The following PLXNA3 variants were observed in gnomAD, a reference collection of about 807,000 sequenced individuals.
PLXNA3 encodes plexin A3.
Under a neutral mutation model 118.8 loss-of-function variants are expected in PLXNA3, and 52 were observed. The observed-to-expected ratio is 0.44, with a 90% confidence interval of 0.35 to 0.55. The LOEUF (loss-of-function observed/expected upper bound fraction) is 0.55, where lower values mean the gene tolerates loss of function less well. PLXNA3 is among the 20% of genes least tolerant of loss of function. PLXNA3 has a pLI of 0.01. For missense variants in PLXNA3, 1,660 were observed against 1,730.8 expected, an observed-to-expected ratio of 0.96 and a Z score of 0.73; for synonymous variants, 925 against 762.4, an observed-to-expected ratio of 1.21 and a Z score of -3.51.
chrX:154,462,053 G>A (rs1465395176), intron 3 of PLXNA3, 75 bp from the exon 4 acceptor site: 1 of 881,708 alleles, frequency 1.1e-6, no homozygotes, highest in Non-Finnish European at 1.6e-6. Context: ...CTCTCTTCTG[G>A]GACACAGGAA....
intron 4 of PLXNA3, among the ~76,000 whole-genome samples, chrX:154,462,545 A>T (rs782530961): frequency 2.7e-5 from 3 of 112,188 alleles, no homozygotes; most frequent in African/African-American, 9.7e-5. Flanking sequence ...CCAGCTTCGT[A>T]TGGCTCTGGG....
At chrX:154,469,293 C>A in intron 26 of PLXNA3, 78 bp downstream of exon 26, 1 of 1,149,542 alleles carries the variant, frequency 8.7e-7, no homozygotes, top group Non-Finnish European at 1.2e-6. Context: ...TCTCCCGCTC[C>A]CCACCTGAAC....
At position 154,463,936 on chromosome X, in the gene PLXNA3, C is replaced by G; in HGVS notation, c.1548-15C>G. On this transcript the variant is annotated splice_polypyrimidine_tract_variant and intron_variant, in intron 6 of 32. Transcript: ENST00000369682. ...GGGGCAGTGGCGGGACCGGCTCTGG[C>G]CCGACCCCGTGCAGGTGCTGCCGCG... is the stretch of plus-strand genomic sequence containing the variant. 8.6e-7 allele frequency: 1 copy of G among 1,158,616 alleles called. No individual in the cohort carries two copies. The highest frequency in any genetic ancestry group is 1.1e-6 in the Non-Finnish European group (1 of 870,192).
chrX:154,466,685 C>T lies in PLXNA3; in HGVS notation c.2999C>T (p.Pro1000Leu), dbSNP rs782195255. 56 of 1,200,257 alleles carry T rather than the reference C, an allele frequency of 4.7e-5. No individual in the cohort carries two copies. The South Asian group carries it at 9.2e-4, about 20-fold the overall frequency. Residue 1000 changes from proline (P) to leucine (L), a missense_variant, in exon 17 of 33, where the codon CCC becomes CTC. This residue lies in a region of PLXNA3 where 869 missense variants were observed against 1,078.7 expected (regional missense o/e 0.81). Transcript: ENST00000369682. ...PLSTLGPSQAPITLAIDRANI... is the reference protein window; with the variant it reads ...PLSTLGPSQALITLAIDRANI... ...TCCACCCTGGGCCCCAGCCAGGCCC[C>T]CATCACACTTGCCATTGACCGGGCT...
At position 154,462,459 on chromosome X, in the gene PLXNA3, C is replaced by T. The variant is rs893819733; in HGVS notation, c.1317+149C>T. On this transcript the variant is annotated intron_variant, in intron 4 of 32. Coordinates refer to ENST00000369682, the MANE Select transcript of PLXNA3 (RefSeq NM_017514.5). The stretch of plus-strand genomic sequence containing the variant: ...GAGATTTCCCTGGCTGGGTCCCAGG[C>T]GCCTGGCCCTGCTCCTCGGGTCGCC... 3.4e-5 allele frequency: 15 copies of T among 439,484 alleles called. No individual in the cohort carries two copies. In the Admixed American group the frequency reaches 6.2e-4, roughly 18 times the overall value. The allele number at this position is 439,484 out of a possible 1,213,427, so 36.2% of individuals were successfully genotyped here. A position where few individuals can be genotyped will look rare whatever the true frequency, so the allele number is the denominator to read the frequency against.
Position 154,465,576 on chromosome X carries a change from G to A in PLXNA3, c.2341+56G>A, listed in dbSNP as rs188888649. ...TAAGGCAATTGGCACTGCTGGGGTCGGGTCTGGGGGCCCTAGTGCTCCCCA... is the reference window on the plus strand; with the variant it reads ...TAAGGCAATTGGCACTGCTGGGGTCAGGTCTGGGGGCCCTAGTGCTCCCCA... On this transcript the variant is annotated intron_variant, in intron 12 of 32. Coordinates refer to ENST00000369682, the MANE Select transcript of PLXNA3 (RefSeq NM_017514.5). The A allele has an allele frequency of 5.4e-5, 62 of 1,144,618 alleles. No homozygotes were observed. In the South Asian group the frequency reaches 7.6e-4, roughly 14 times the overall value. 94.3% of individuals were successfully genotyped at this position (1,144,618 alleles called of 1,213,427 possible). A position where few individuals can be genotyped will look rare whatever the true frequency, so the allele number is the denominator to read the frequency against.
rs782215325 is a variant in PLXNA3, at chrX:154,460,253, C to T, written c.70C>T (p.Arg24Cys). 4.1e-5 allele frequency: 50 copies of T among 1,208,015 alleles called. No homozygotes were observed. Among genetic ancestry groups the T allele is most frequent in the East Asian group, 8.9e-5 (3 of 33,780 alleles). Residue 24 changes from arginine (R) to cysteine (C), a missense_variant, in exon 2 of 33, where the codon CGT (arginine) becomes TGT (cysteine). By Grantham distance (180) the Arg-to-Cys change is radical. Transcript: ENST00000369682. ...GGGGGCCCTGGGCAACAGGCCCTTC[C>T]GTGCCTTCGTGGTGACAGACACCAC... ...VGGALGNRPF[R>C]AFVVTDTTLT...
chrX:154,461,763 C>G lies in PLXNA3; in HGVS notation c.1134+125C>G. 4.4e-6 allele frequency: 3 copies of G among 678,877 alleles called. No individual in the cohort carries two copies. In the South Asian group the frequency reaches 8.2e-5, roughly 19 times the overall value. 55.9% of individuals were successfully genotyped at this position (678,877 alleles called of 1,213,427 possible). A position where few individuals can be genotyped will look rare whatever the true frequency, so the allele number is the denominator to read the frequency against. On this transcript the variant is annotated intron_variant, in intron 3 of 32. Coordinates refer to ENST00000369682, the MANE Select transcript of PLXNA3 (RefSeq NM_017514.5). Reference sequence around the variant, plus strand: ...TGGCCCTGGGAGTGGCACCTTTGCCCTCCCACCTGTTTCTCCCTCCCAGGG... The same window carrying G: ...TGGCCCTGGGAGTGGCACCTTTGCCGTCCCACCTGTTTCTCCCTCCCAGGG...
chrX:154,466,504 G>T lies in PLXNA3; in HGVS notation c.2928G>T (p.Gln976His). 1 of 1,205,295 alleles carries T rather than the reference G, an allele frequency of 8.3e-7. No homozygotes were observed. Among genetic ancestry groups the T allele is most frequent in the Non-Finnish European group, 1.1e-6 (1 of 892,409 alleles). Residue 976 changes from glutamine to histidine, a missense_variant, in exon 16 of 33, where the codon CAG becomes CAT. Physicochemically the swap from Gln to His is conservative, Grantham distance 24. Transcript: ENST00000369682. The stretch of plus-strand genomic sequence containing the variant: ...TGACTGTGAGGGACAGCGAGTGCCA[G>T]TTTGTAAGGTGGGCCGGGGCCCTGC... ...VTVTVRDSEC[Q>H]FVRRDAKAIV...
rs782060714 is a variant in PLXNA3 at position 154,461,196 on chromosome X, T to G, written c.692T>G (p.Val231Gly). The G allele has an allele frequency of 1.9e-5, 23 of 1,211,411 alleles. No individual in the cohort carries two copies. The highest frequency in any genetic ancestry group is 2.6e-5 in the Non-Finnish European group (23 of 895,142). Residue 231 changes from valine (V) to glycine (G), a missense_variant, in exon 3 of 33, where the codon GTC becomes GGC. Coordinates refer to ENST00000369682, the MANE Select transcript of PLXNA3 (RefSeq NM_017514.5). ...GACATCTACTACATCTACGGCTTCGTCAGCGCCTCCTTCGTGTACTTCCTG... is the reference window on the plus strand; with the variant it reads ...GACATCTACTACATCTACGGCTTCGGCAGCGCCTCCTTCGTGTACTTCCTG... The part of the protein sequence containing the change: ...AFDIYYIYGF[V>G]SASFVYFLTL...
intron 5 of PLXNA3, 25 bp from the exon 6 acceptor site, chrX:154,463,565 T>C (rs1557205614): frequency 3.9e-6 from 4 of 1,036,399 alleles, no homozygotes; most frequent in Non-Finnish European, 5.3e-6. Context: ...GGGGGTGGGC[T>C]GGGTGCTGAT....
Position 154,467,142 on chromosome X carries a change from A to G in PLXNA3, c.3193A>G (p.Thr1065Ala). The change falls in exon 18 of 33, where the codon ACC (threonine) becomes GCC (alanine). Residue 1065 changes from threonine to alanine, a missense_variant. Physicochemically the swap from Thr to Ala is moderately conservative, Grantham distance 58 (BLOSUM62 0). Around this residue, in one of 2 missense-constraint regions of PLXNA3, gnomAD observed 869 missense variants for 1,078.7 expected, o/e 0.81. Coordinates refer to ENST00000369682, the MANE Select transcript of PLXNA3 (RefSeq NM_017514.5). ...RVRAKYRGIE[T>A]TNTCQVINDT... ...CCGTGCCAAGTACCGCGGCATTGAG[A>G]CCACCAATGTGAGTACCAGCTGCCC... 8.3e-7 allele frequency: 1 copy of G among 1,209,397 alleles called. No homozygotes were observed. Among genetic ancestry groups the G allele is most frequent in the Non-Finnish European group, 1.1e-6 (1 of 894,208 alleles).
chrX:154,472,663 G>A lies in PLXNA3; in HGVS notation c.5594G>A (p.Ser1865Asn). Residue 1865 changes from serine (S) to asparagine (N), a missense_variant, in exon 33 of 33, where the codon AGC becomes AAC. Ser to Asn is a conservative substitution (Grantham distance 46). Around this residue, in one of 2 missense-constraint regions of PLXNA3, gnomAD observed 869 missense variants for 1,078.7 expected, o/e 0.81. Transcript: ENST00000369682. ...KLRQKLEQII[S>N]LVSSDS ...CGGCAGAAACTGGAACAGATCATCA[G>A]CCTCGTGTCCAGCGACAGCTAAGGT... 1 of 1,201,671 alleles carries A rather than the reference G, an allele frequency of 8.3e-7. No individual in the cohort carries two copies. Among genetic ancestry groups the A allele is most frequent in the Non-Finnish European group, 1.1e-6 (1 of 886,153 alleles).
At chrX:154,459,183 C>T (rs782786643) in intron 1 of PLXNA3, among the ~76,000 whole-genome samples, 21 of 108,514 alleles carry the variant, frequency 1.9e-4, no homozygotes, top group African/African-American at 7.0e-4. Context: ...CCGCCTCCCG[C>T]CCTCAAGCTG....
intron 27 of PLXNA3, 67 bp downstream of exon 27, chrX:154,469,549 C>A: frequency 9.9e-7 from 1 of 1,009,372 alleles, no homozygotes; most frequent in Non-Finnish European, 1.4e-6. Flanking sequence ...TGAGCTGCAG[C>A]AGGACACGGG....
At position 154,463,482 on chromosome X, in the gene PLXNA3, C is replaced by T. The variant is rs782501504; in HGVS notation, c.1409C>T (p.Pro470Leu). The T allele has an allele frequency of 5.0e-6, 6 of 1,199,418 alleles. No individual in the cohort carries two copies. Among genetic ancestry groups the T allele is most frequent in the Admixed American group, 2.2e-5 (1 of 45,155 alleles). ...ATCCTCCGAGACCTGCTCTTCAGCC[C>T]GGACCACCGGCACATCTATCTCCTG... Reference protein sequence around the residue: ...SPILRDLLFSPDHRHIYLLSE... With the variant: ...SPILRDLLFSLDHRHIYLLSE... The change falls in exon 5 of 33, where the codon CCG (proline) becomes CTG (leucine). Residue 470 changes from proline (P) to leucine (L), a missense_variant. Physicochemically the swap from Pro to Leu is moderately conservative, Grantham distance 98. Transcript: ENST00000369682.
Position 154,463,927 on chromosome X carries a change from C to T in PLXNA3, c.1548-24C>T, listed in dbSNP as rs782738437. 3.4e-5 allele frequency: 39 copies of T among 1,153,567 alleles called. No individual in the cohort carries two copies. The South Asian group carries it at 4.1e-4, about 12-fold the overall frequency. Reference sequence around the variant, plus strand: ...GGCCCTCCCGGGGCAGTGGCGGGACCGGCTCTGGCCCGACCCCGTGCAGGT... The same window carrying T: ...GGCCCTCCCGGGGCAGTGGCGGGACTGGCTCTGGCCCGACCCCGTGCAGGT... On this transcript the variant is annotated intron_variant, in intron 6 of 32. Transcript: ENST00000369682.
chrX:154,470,014 C>T lies in PLXNA3; in HGVS notation c.4833C>T (p.Leu1611=). 8.3e-7 allele frequency: 1 copy of T among 1,211,407 alleles called. No homozygotes were observed. Among genetic ancestry groups the T allele is most frequent in the Non-Finnish European group, 1.1e-6 (1 of 895,399 alleles). ...LLRTASSPDS[L]RSRAPMITPD... is the part of the protein sequence containing the mutation. ...GCACGGCCAGCAGCCCTGATAGCCTCCGCTCACGGGCACCCATGATTACGC... is the reference window on the plus strand; with the variant it reads ...GCACGGCCAGCAGCCCTGATAGCCTTCGCTCACGGGCACCCATGATTACGC... Residue 1611 remains leucine (L), a synonymous_variant, in exon 29 of 33, where the codon CTC becomes CTT. Coordinates refer to ENST00000369682, the MANE Select transcript of PLXNA3 (RefSeq NM_017514.5).
chrX:154,467,513 A>G, intron 19 of PLXNA3, 32 bp from the exon 20 acceptor site: 2 of 1,158,791 alleles, frequency 1.7e-6, no homozygotes, highest in Non-Finnish European at 2.3e-6. Flanking sequence ...GAAAGTGGAG[A>G]GTCCTGGGCT....
Sources: allele counts gnomAD v4.1 joint callset (sites outside exome capture counted in the v4.1 genomes callset), GRCh38; gene constraint gnomAD v4.1.1; regional missense constraint gnomAD v4.1.1; transcripts MANE v1.5; gene names NCBI Gene and HGNC (gene_info 2026-07-23, HGNC 2026-07-21).